The following TAFA5 variants were observed in gnomAD, a reference collection of about 807,000 sequenced individuals.
TAFA5 encodes TAFA chemokine like family member 5.
Under a neutral mutation model 15.3 loss-of-function variants are expected in TAFA5, and 6 were observed. The observed-to-expected ratio is 0.39, with a 90% CI of 0.21 to 0.77. The LOEUF (loss-of-function observed/expected upper bound fraction) is 0.77. Among genes scored for constraint, TAFA5 ranks in the 30% least tolerant of loss-of-function variants. The probability of loss-of-function intolerance (pLI) is 0.41; values close to 1 mark genes in which losing one functional copy is unlikely to be tolerated. For missense variants in TAFA5, 161 were observed against 193.1 expected (o/e 0.83, Z 0.98); for synonymous variants, 103 against 80.7 (o/e 1.28, Z -1.48).
At chr22:48,651,757 G>C (rs569655646) in intron 2 of TAFA5, among the ~76,000 whole-genome samples, 4 of 152,204 alleles carry the variant, frequency 2.6e-5, no homozygotes, top group African/African-American at 4.8e-5. Context: ...AGGGGGATCT[G>C]TGGTCAGCGT....
At chr22:48,510,862 T>C (rs961373545) in intron 1 of TAFA5, among the ~76,000 whole-genome samples, 2 of 152,368 alleles carry the variant, frequency 1.3e-5, no homozygotes, top group African/African-American at 4.8e-5. Flanking sequence ...AGGCATTTGA[T>C]AGACTTCCTT....
intron 1 of TAFA5, among the ~76,000 whole-genome samples, chr22:48,574,651 G>T (rs1027860140): frequency 6.6e-6 from 1 of 152,184 alleles, no homozygotes; most frequent in African/African-American, 2.4e-5. Flanking sequence ...CAGGAGAGAG[G>T]TTCAGGGTCC....
chr22:48,748,401 G>A (rs1399527060), intron 3 of TAFA5, among the ~76,000 whole-genome samples: 2 of 152,248 alleles, frequency 1.3e-5, no homozygotes, highest in African/African-American at 4.8e-5. Flanking sequence ...CAGGGGTGCA[G>A]TGAGGAGACA....
intron 1 of TAFA5, among the ~76,000 whole-genome samples, chr22:48,516,467 G>A (rs1921410923): frequency 6.6e-6 from 1 of 152,130 alleles, no homozygotes; most frequent in Non-Finnish European, 1.5e-5. Context: ...TGTGACATTC[G>A]CTGCTGAACG....
chr22:48,692,527 T>C (rs1361525322), intron 2 of TAFA5, among the ~76,000 whole-genome samples: 1 of 152,164 alleles, frequency 6.6e-6, no homozygotes, highest in African/African-American at 2.4e-5. Flanking sequence ...ACCTCCCCAA[T>C]TGCTGGGATC....
rs73889714 is a variant in TAFA5, at chr22:48,737,157, C to T, written c.391-12682C>T. 3.5e-3 allele frequency among the ~76,000 whole-genome samples: 528 copies of T among 152,184 alleles called. 8 individuals carry two copies. The highest frequency in any genetic ancestry group is 0.012 in the African/African-American group (490 of 41,526). Reference sequence around the variant, plus strand: ...CTCTGTTGATGTGAGGACTCTGCCCCGTGTCGAGCTCAGAGGCCAGACACC... The same window carrying T: ...CTCTGTTGATGTGAGGACTCTGCCCTGTGTCGAGCTCAGAGGCCAGACACC... On this transcript the variant is annotated intron_variant, in intron 3 of 3. Coordinates refer to ENST00000402357, the MANE Select transcript of TAFA5 (RefSeq NM_001082967.3).
chr22:48,707,649 T>G, intron 2 of TAFA5, 68 bp from the exon 3 acceptor site: 5 of 1,559,594 alleles, frequency 3.2e-6, no homozygotes, highest in Non-Finnish European at 4.4e-6. Context: ...AGGACCCAGG[T>G]GCCCTCAGCA....
chr22:48,498,996 C>T (rs962614686), intron 1 of TAFA5, among the ~76,000 whole-genome samples: 2 of 152,202 alleles, frequency 1.3e-5, no homozygotes, highest in African/African-American at 4.8e-5. Context: ...CCGTCCCGTG[C>T]GTGTCCCTTG....
intron 1 of TAFA5, among the ~76,000 whole-genome samples, chr22:48,630,095 G>A (rs751630933): frequency 2.6e-5 from 4 of 152,198 alleles, no homozygotes; most frequent in Non-Finnish European, 5.9e-5. Context: ...ACGAGCAGGT[G>A]GAGTGGGAGG....
intron 1 of TAFA5, among the ~76,000 whole-genome samples, chr22:48,620,114 G>A (rs1296791638): frequency 2.0e-5 from 3 of 152,084 alleles, no homozygotes; most frequent in African/African-American, 2.4e-5. Flanking sequence ...TTCTCCCACC[G>A]TCCCCAGTCC....
intron 2 of TAFA5, among the ~76,000 whole-genome samples, chr22:48,660,706 C>G (rs927074640): frequency 6.6e-6 from 1 of 152,226 alleles, no homozygotes; most frequent in Non-Finnish European, 1.5e-5. Flanking sequence ...GGGCTCCGCC[C>G]TGGCTCTGCA....
intron 1 of TAFA5, chr22:48,546,758 G>T: frequency 2.8e-6 from 1 of 362,048 alleles, no homozygotes; most frequent in Non-Finnish European, 5.6e-6. Flanking sequence ...GTTCTGGAAA[G>T]GCTCACTAGG....
rs552581270 is a variant in TAFA5, at chr22:48,563,792, C to A, written c.112+74088C>A. Among the ~76,000 whole-genome samples, 14 of 152,376 alleles carry A rather than the reference C, an allele frequency of 9.2e-5. No individual in the cohort carries two copies. In the East Asian group the frequency reaches 2.1e-3, roughly 23 times the overall value. ...CTGACAAAGGTCAAGACCCCAAGGA[C>A]CCACGCCAGGTGGCAGCGTCGACTC... On this transcript the variant is annotated intron_variant, in intron 1 of 3. Coordinates refer to ENST00000402357, the MANE Select transcript of TAFA5 (RefSeq NM_001082967.3).
intron 1 of TAFA5, among the ~76,000 whole-genome samples, chr22:48,551,812 C>T (rs1027631211): frequency 2.6e-5 from 4 of 152,196 alleles, no homozygotes; most frequent in Non-Finnish European, 5.9e-5. Context: ...CACCTCTGCC[C>T]CGCCCGCTCC....
intron 1 of TAFA5, among the ~76,000 whole-genome samples, chr22:48,509,175 G>C (rs929018515): frequency 6.6e-6 from 1 of 152,172 alleles, no homozygotes; most frequent in South Asian, 2.1e-4. Context: ...CTACTCCAGT[G>C]TGTGTGTGGC....
At chr22:48,492,784 T>C (rs1928202005) in intron 1 of TAFA5, among the ~76,000 whole-genome samples, 1 of 152,128 alleles carries the variant, frequency 6.6e-6, no homozygotes, top group Non-Finnish European at 1.5e-5. Flanking sequence ...GGTTGTTGGA[T>C]GGTTGGTAAT....
intron 1 of TAFA5, among the ~76,000 whole-genome samples, chr22:48,558,227 AC>A (rs1923106385): frequency 6.6e-6 from 1 of 152,160 alleles, no homozygotes; most frequent in Non-Finnish European, 1.5e-5. Flanking sequence ...CTGCATTATA[AC>A]TGGAGCTTAT....
intron 1 of TAFA5, among the ~76,000 whole-genome samples, chr22:48,512,011 G>GGGAGGGCCACCAGAAGC (rs1921233338): frequency 6.6e-6 from 1 of 152,242 alleles, no homozygotes; most frequent in South Asian, 2.1e-4. Flanking sequence ...CAGAGCTGCA[G>GGGAGGGCCACCAGAAGC]GGAGGGCCAC....
At chr22:48,664,122 G>C (rs1294087225) in intron 2 of TAFA5, among the ~76,000 whole-genome samples, 1 of 152,338 alleles carries the variant, frequency 6.6e-6, no homozygotes, top group Non-Finnish European at 1.5e-5. Context: ...GCATAGTTAA[G>C]ATGGAAAAGG....
Sources: allele counts gnomAD v4.1 joint callset (sites outside exome capture counted in the v4.1 genomes callset), GRCh38; gene constraint gnomAD v4.1.1; transcripts MANE v1.5; gene names NCBI Gene and HGNC (gene_info 2026-07-23, HGNC 2026-07-21).